RXFP2: variants seen among roughly 807,000 people sequenced by gnomAD.
RXFP2 encodes the protein relaxin receptor 2.
RXFP2 carries 68 observed loss-of-function variants against 88.6 expected under a neutral mutation model. The ratio of observed to expected loss-of-function variants is 0.77; its 90% CI spans 0.63 to 0.94. The LOEUF is 0.94. Among genes scored for constraint, RXFP2 ranks in the 40% least tolerant of loss-of-function variants. The pLI, the probability that RXFP2 is intolerant of heterozygous loss-of-function variation, is 0.00. For missense variants in RXFP2, 791 were observed against 893.9 expected (o/e 0.88, Z 1.47); for synonymous variants, 329 against 306.8 (o/e 1.07, Z -0.76).
chr13:31,787,056 T>G (rs1214411519), intron 13 of RXFP2, among the ~76,000 whole-genome samples: 2 of 152,354 alleles, frequency 1.3e-5, no homozygotes, highest in South Asian at 4.1e-4. Context: ...TTAAATAAGT[T>G]TTTAAAAAAC....
At chr13:31,752,713 G>T (rs1157695604) in intron 1 of RXFP2, among the ~76,000 whole-genome samples, 1 of 152,072 alleles carries the variant, frequency 6.6e-6, no homozygotes, top group Admixed American at 6.5e-5. Flanking sequence ...AGAAGTAGGG[G>T]CAGGCTCTGG....
intron 17 of RXFP2, among the ~76,000 whole-genome samples, chr13:31,798,907 T>A (rs1417780526): frequency 6.6e-6 from 1 of 152,166 alleles, no homozygotes; most frequent in East Asian, 1.9e-4. Context: ...CCATTTTCGA[T>A]CTCTTCTCAC....
At chr13:31,769,869 T>C (rs1248381189) in intron 5 of RXFP2, among the ~76,000 whole-genome samples, 2 of 152,154 alleles carry the variant, frequency 1.3e-5, no homozygotes, top group African/African-American at 4.8e-5. Flanking sequence ...GGTCTTTTTG[T>C]ATTTTCCATC....
chr13:31,770,171 T>C (rs1872685763), intron 5 of RXFP2, among the ~76,000 whole-genome samples: 1 of 152,230 alleles, frequency 6.6e-6, no homozygotes, highest in African/African-American at 2.4e-5. Flanking sequence ...TGAGCTCTCC[T>C]GGTCACTCTC....
intron 3 of RXFP2, 97 bp from the exon 4 acceptor site, chr13:31,764,940 A>G (rs999493123): frequency 1.2e-5 from 9 of 720,750 alleles, no homozygotes; most frequent in African/African-American, 3.5e-5. Context: ...TAAATTTTAT[A>G]CATTCGATGA....
At chr13:31,764,243 TCACACACACACACACA>T (rs56132108) in intron 3 of RXFP2, among the ~76,000 whole-genome samples, 61 of 131,774 alleles carry the variant, frequency 4.6e-4, no homozygotes, top group South Asian at 2.1e-3. Context: ...TCTCTCTCTT[TCACACACACACACACA>T]CACACACACA....
intron 2 of RXFP2, among the ~76,000 whole-genome samples, chr13:31,759,133 G>T (rs1872127111): frequency 6.6e-6 from 1 of 151,654 alleles, no homozygotes; most frequent in Non-Finnish European, 1.5e-5. Flanking sequence ...CCTGCTATGT[G>T]CCAGGAGCTC....
At chr13:31,775,755 T>C (rs1015705883) in intron 7 of RXFP2, among the ~76,000 whole-genome samples, 10 of 152,214 alleles carry the variant, frequency 6.6e-5, no homozygotes, top group Non-Finnish European at 1.3e-4. Flanking sequence ...TAAGAACTTG[T>C]TCTGCTTTCC....
chr13:31,802,743 T>G lies in RXFP2; in HGVS notation c.*338T>G. On this transcript the variant is annotated 3_prime_UTR_variant, in exon 18 of 18. Transcript: ENST00000298386. ...GCACTGTGTGGTCTTTCACATCGGG[T>G]TGCACTGTCCATGAAATAGAAACAC... 1 of 306,036 alleles carries G rather than the reference T, an allele frequency of 3.3e-6. No individual in the cohort carries two copies. Among genetic ancestry groups the G allele is most frequent in the South Asian group, 3.8e-5 (1 of 26,492 alleles). 19.0% of individuals were successfully genotyped at this position (306,036 alleles called of 1,614,324 possible). A position where few individuals can be genotyped will look rare whatever the true frequency, so the allele number is the denominator to read the frequency against.
chr13:31,774,661 C>A lies in RXFP2; in HGVS notation c.539C>A (p.Ala180Glu). ...TGCATTAGACACATATCCAGGAAAGCATTTTTTGGATTATGTAATCTGCAA... is the reference window on the plus strand; with the variant it reads ...TGCATTAGACACATATCCAGGAAAGAATTTTTTGGATTATGTAATCTGCAA... ...HNCIRHISRK[A>E]FFGLCNLQIL... Residue 180 changes from alanine (A) to glutamate (E), a missense_variant, in exon 6 of 18, where the codon GCA (alanine) becomes GAA (glutamate). Coordinates refer to ENST00000298386, the MANE Select transcript of RXFP2 (RefSeq NM_130806.5). 6.4e-7 allele frequency: 1 copy of A among 1,561,738 alleles called. No individual in the cohort carries two copies. Among genetic ancestry groups the A allele is most frequent in the Middle Eastern group, 1.7e-4 (1 of 5,980 alleles).
chr13:31,772,971 A>G (rs980449977), intron 5 of RXFP2, among the ~76,000 whole-genome samples: 1 of 152,258 alleles, frequency 6.6e-6, no homozygotes, highest in Non-Finnish European at 1.5e-5. Context: ...GCATTAGTTA[A>G]GCAGTGAATT....
chr13:31,757,813 G>A (rs1373257196), intron 1 of RXFP2, among the ~76,000 whole-genome samples: 4 of 152,050 alleles, frequency 2.6e-5, no homozygotes, highest in African/African-American at 9.7e-5. Flanking sequence ...GTTATCATTG[G>A]CCAGGCGAGG....
chr13:31,754,647 C>T (rs1871847244), intron 1 of RXFP2, among the ~76,000 whole-genome samples: 1 of 152,220 alleles, frequency 6.6e-6, no homozygotes, highest in Admixed American at 6.5e-5. Flanking sequence ...TTTCAAAATT[C>T]TCTTTAATCG....
At chr13:31,800,643 C>G (rs1441076166) in intron 17 of RXFP2, among the ~76,000 whole-genome samples, 1 of 152,182 alleles carries the variant, frequency 6.6e-6, no homozygotes, top group Non-Finnish European at 1.5e-5. Flanking sequence ...CCATACCACC[C>G]TGAACATGCC....
At position 31,803,058 on chromosome 13, in the gene RXFP2, T is replaced by C. The variant is rs1418184401; in HGVS notation, c.*653T>C. On this transcript the variant is annotated 3_prime_UTR_variant, in exon 18 of 18. Transcript: ENST00000298386. ...ATTTAATATCAGAAGAGATGAATTC[T>C]TAAGATATTTTTCTGAAGGTTGCCC... 6.6e-6 allele frequency: 1 copy of C among 152,326 alleles called. No individual in the cohort carries two copies. The highest frequency in any genetic ancestry group is 1.5e-5 in the Non-Finnish European group (1 of 68,112). 9.4% of individuals were successfully genotyped at this position (152,326 alleles called of 1,614,324 possible).
At chr13:31,761,572 C>T in intron 2 of RXFP2, 152 bp from the exon 3 acceptor site, 2 of 592,554 alleles carry the variant, frequency 3.4e-6, no homozygotes, top group South Asian at 1.8e-5. Flanking sequence ...CAGATGTTTG[C>T]CTAACTTTTT....
At chr13:31,774,499 A>C in intron 5 of RXFP2, 121 bp from the exon 6 acceptor site, 1 of 718,436 alleles carries the variant, frequency 1.4e-6, no homozygotes, top group East Asian at 2.6e-5. Flanking sequence ...CAACATGAGA[A>C]TAGGACTTCG....
At chr13:31,769,446 T>A (rs1872659455) in intron 5 of RXFP2, among the ~76,000 whole-genome samples, 1 of 152,212 alleles carries the variant, frequency 6.6e-6, no homozygotes, top group Admixed American at 6.5e-5. Context: ...CTTCCCTAAG[T>A]ATCCTCATTT....
chr13:31,771,783 C>T (rs565279415), intron 5 of RXFP2, among the ~76,000 whole-genome samples: 28 of 121,356 alleles, frequency 2.3e-4, no homozygotes, highest in African/African-American at 8.0e-4. Context: ...TGGAGCGTAA[C>T]TCTGTCTTAA....
Sources: gnomAD v4.1 joint callset for allele counts (sites outside exome capture counted in the v4.1 genomes callset) on GRCh38, gnomAD v4.1.1 for gene constraint, MANE v1.5 for transcripts, NCBI Gene and HGNC (gene_info 2026-07-23, HGNC 2026-07-21) for gene names.